Variants in SEC16A observed in about 807,000 individuals in gnomAD.
SEC16A encodes the protein SEC16 homolog A, endoplasmic reticulum export factor.
Under a neutral mutation model 221.9 loss-of-function variants are expected in SEC16A, and 110 were observed. The ratio of observed to expected loss-of-function variants is 0.50; its 90% CI spans 0.42 to 0.58. The LOEUF (loss-of-function observed/expected upper bound fraction) is 0.58. Ranked by LOEUF, SEC16A falls within the 20% of genes least tolerant of loss-of-function variation. The probability of loss-of-function intolerance (pLI) is 0.00; values close to 1 mark genes in which losing one functional copy is unlikely to be tolerated. For synonymous variants in SEC16A, 1,393 were observed against 1,257.7 expected (o/e 1.11, Z -2.28); for missense variants, 3,165 against 3,097.8 (o/e 1.02, Z -0.52).
intron 17 of SEC16A, among the ~76,000 whole-genome samples, 169 bp from the exon 18 acceptor site, chr9:136,457,753 T>C (rs934827129): frequency 6.6e-6 from 1 of 151,040 alleles, no homozygotes; most frequent in Non-Finnish European, 1.5e-5. Flanking sequence ...CCACGCCCGC[T>C]GACCACAGTC....
upstream of SEC16A, chr9:136,483,429 C>G: frequency 1.8e-5 from 12 of 653,774 alleles, no homozygotes; most frequent in South Asian, 1.4e-4. Flanking sequence ...TCCTGTCGTT[C>G]CCGCCCCTTT....
In SEC16A at chr9:136,466,109, C is replaced by A; in HGVS notation, c.4156G>T (p.Ala1386Ser). 6.2e-7 allele frequency: 1 copy of A among 1,604,766 alleles called. No individual in the cohort carries two copies. Among genetic ancestry groups the A allele is most frequent in the Non-Finnish European group, 8.5e-7 (1 of 1,174,486 alleles). Residue 1386 changes from alanine to serine, a missense_variant, in exon 8 of 32, where the codon GCT becomes TCT. Ala to Ser is a moderately conservative substitution (Grantham distance 99). Coordinates refer to ENST00000684901, the MANE Select transcript of SEC16A (RefSeq NM_014866.2). This position sits in a 1 kb window ranked among gnomAD's most constrained non-coding sequence, Gnocchi z 5.5. ...AGCGGGGCCTCGTAGGAACCGGCAG[C>A]CACATTGTGGCTTCTGTAAATCTGA... ...QSQIYRSHNV[A>S]AGSYEAPLPP... is the part of the protein sequence containing the mutation.
chr9:136,450,553 C>T (rs557099861), intron 23 of SEC16A, among the ~76,000 whole-genome samples: 8 of 152,068 alleles, frequency 5.3e-5, no homozygotes, highest in Non-Finnish European at 8.8e-5. Flanking sequence ...AACAGGGACA[C>T]GAGAAGGTGC....
upstream of SEC16A, chr9:136,484,264 C>T (rs1250438899): frequency 3.7e-6 from 3 of 802,982 alleles, no homozygotes; most frequent in Non-Finnish European, 3.1e-6. Context: ...CCCGGGCGCT[C>T]GGGCGGCCAG....
chr9:136,467,659 A>G (rs1421630081), intron 5 of SEC16A, among the ~76,000 whole-genome samples: 1 of 152,248 alleles, frequency 6.6e-6, no homozygotes, highest in Non-Finnish European at 1.5e-5. Flanking sequence ...AACTGGATAT[A>G]CCATTTTCAG....
rs996799758 is a variant in SEC16A, at chr9:136,466,659, T to A, written c.3930-197A>T. ...TGCGTCTCCAGTGTGGTCACTTCTCTGGGCTGCAGGGCGCGACCGGTAAGA... is the reference window on the plus strand; with the variant it reads ...TGCGTCTCCAGTGTGGTCACTTCTCAGGGCTGCAGGGCGCGACCGGTAAGA... On this transcript the variant is annotated intron_variant, in intron 6 of 31. Transcript: ENST00000684901. This position sits in a 1 kb window ranked among gnomAD's most constrained non-coding sequence, Gnocchi z 5.5. Among the ~76,000 whole-genome samples, 1 of 152,182 alleles carries A rather than the reference T, an allele frequency of 6.6e-6. No individual in the cohort carries two copies. The highest frequency in any genetic ancestry group is 1.5e-5 in the Non-Finnish European group (1 of 68,030).
In SEC16A at chr9:136,441,749, G is replaced by A. The variant is rs1242041302; in HGVS notation, c.*6C>T. ...GCTCCAAGTGCAAGTTCACAGCAGG[G>A]CAAGCCTAGTTCAGCACCAGGTGCT... On this transcript the variant is annotated 3_prime_UTR_variant, in exon 32 of 32. Transcript: ENST00000684901. The A allele has an allele frequency of 1.2e-6, 2 of 1,613,104 alleles. No individual in the cohort carries two copies. The highest frequency in any genetic ancestry group is 1.7e-5 in the Admixed American group (1 of 60,016).
chr9:136,479,857 C>A (rs1406038812), intron 1 of SEC16A, among the ~76,000 whole-genome samples: 3 of 151,764 alleles, frequency 2.0e-5, no homozygotes, highest in Non-Finnish European at 2.9e-5. Context: ...AAAAAAAATG[C>A]CGGTCGTGGT....
Position 136,461,194 on chromosome 9 carries a change from G to T in SEC16A, c.4974C>A (p.His1658Gln), listed in dbSNP as rs375805476. ...LLASKMDSRT[H>Q]ARVMTRFANS... ...GACTGTACCTGGTCATGACTCGGGC[G>T]TGTGTCCGGCTGTCCATCTTACTTG... The change falls in exon 13 of 32, where the codon CAC becomes CAA. Residue 1658 changes from histidine to glutamine, a missense_variant. Physicochemically the swap from His to Gln is conservative, Grantham distance 24. Around this residue, in one of 3 missense-constraint regions of SEC16A, gnomAD observed 1,088 missense variants for 1,089.6 expected, o/e 1.00. Coordinates refer to ENST00000684901, the MANE Select transcript of SEC16A (RefSeq NM_014866.2). The T allele has an allele frequency of 9.3e-6, 15 of 1,606,348 alleles. No individual in the cohort carries two copies. The highest frequency in any genetic ancestry group is 1.3e-5 in the Non-Finnish European group (15 of 1,176,588).
At position 136,477,077 on chromosome 9, in the gene SEC16A, G is replaced by C. The variant is rs1564542186; in HGVS notation, c.539C>G (p.Pro180Arg). 1.2e-6 allele frequency: 2 copies of C among 1,613,848 alleles called. No homozygotes were observed. Among genetic ancestry groups the C allele is most frequent in the East Asian group, 2.2e-5 (1 of 44,872 alleles). Residue 180 changes from proline to arginine, a missense_variant, in exon 3 of 32, where the codon CCT becomes CGT. This residue lies in a region of SEC16A where 2,030 missense variants were observed against 1,923.1 expected (regional missense o/e 1.06). Coordinates refer to ENST00000684901, the MANE Select transcript of SEC16A (RefSeq NM_014866.2). ...CCTGCTCAGGGGTCGGTCGAGCCCAGGCATGTTCCCATGAGGGTGGCCCCC... is the reference window on the plus strand; with the variant it reads ...CCTGCTCAGGGGTCGGTCGAGCCCACGCATGTTCCCATGAGGGTGGCCCCC... The part of the protein sequence containing the change: ...SHGGHPHGNM[P>R]GLDRPLSRQN...
At chr9:136,482,889 C>A (rs1225693151) in intron 1 of SEC16A, 49 bp downstream of exon 1, 2 of 818,430 alleles carry the variant, frequency 2.4e-6, no homozygotes, top group Non-Finnish European at 3.0e-6. Flanking sequence ...GGCCGGCCTC[C>A]GCCTTCCTCC....
Position 136,464,453 on chromosome 9 carries a change from T to C in SEC16A, c.4413A>G (p.Gly1471=). 6.2e-7 allele frequency: 1 copy of C among 1,612,194 alleles called. No homozygotes were observed. The highest frequency in any genetic ancestry group is 1.1e-5 in the South Asian group (1 of 91,058). The change falls in exon 9 of 32, where the codon GGA becomes GGG. Residue 1471 remains glycine, a synonymous_variant. Transcript: ENST00000684901. ...IKVIPNLPSE[G]QPALVEVHSM... The stretch of plus-strand genomic sequence containing the variant: ...TGTGGACCTCCACCAAGGCCGGCTG[T>C]CCTTCTGAAGGCAGATTGGGAATCA...
intron 12 of SEC16A, among the ~76,000 whole-genome samples, chr9:136,462,625 G>A (rs944464390): frequency 1.3e-5 from 2 of 152,158 alleles, no homozygotes; most frequent in African/African-American, 4.8e-5. Context: ...TGCTCAACAT[G>A]TGCATTTATC....
At chr9:136,482,523 A>C (rs1842520617) in intron 1 of SEC16A, among the ~76,000 whole-genome samples, 1 of 152,194 alleles carries the variant, frequency 6.6e-6, no homozygotes, top group Non-Finnish European at 1.5e-5. Flanking sequence ...ACAAACAAAC[A>C]ACTCTGCTCT....
At chr9:136,483,797 C>A, upstream of SEC16A, 1 of 985,422 alleles carries the variant, frequency 1.0e-6, no homozygotes, top group African/African-American at 1.7e-5. Context: ...GGGCAGGCGG[C>A]GGCGGCCGCG....
At chr9:136,444,606 A>T (rs1202852852) in intron 30 of SEC16A, among the ~76,000 whole-genome samples, 1 of 152,170 alleles carries the variant, frequency 6.6e-6, no homozygotes, top group Non-Finnish European at 1.5e-5. Flanking sequence ...ACCCCCTTTA[A>T]GGCCATTTAA....
intron 19 of SEC16A, 80 bp from the exon 20 acceptor site, chr9:136,455,873 G>C (rs1353091354): frequency 6.5e-5 from 91 of 1,401,246 alleles, no homozygotes; most frequent in Non-Finnish European, 8.8e-5. Flanking sequence ...CACCGCGCTT[G>C]CTGTGTCCCT....
rs569502099 is a variant in SEC16A, at chr9:136,443,861, C to T, written c.6967G>A (p.Gly2323Arg). The T allele has an allele frequency of 1.4e-5, 23 of 1,611,272 alleles. No homozygotes were observed. Among genetic ancestry groups the T allele is most frequent in the African/African-American group, 8.0e-5 (6 of 74,786 alleles). Reference protein sequence around the residue: ...DLPAAGGPPSGAMPFYNPAQL... With the variant: ...DLPAAGGPPSRAMPFYNPAQL... ...GCAGGGTTGTAGAAGGGCATGGCCC[C>T]GCTGGGAGGGCCCCCTGCAGCAGGG... Residue 2323 changes from glycine to arginine, a missense_variant, in exon 31 of 32, where the codon GGG (glycine) becomes AGG (arginine). By Grantham distance (125) the Gly-to-Arg change is moderately radical. This residue lies in a region of SEC16A where 1,088 missense variants were observed against 1,089.6 expected (regional missense o/e 1.00). Coordinates refer to ENST00000684901, the MANE Select transcript of SEC16A (RefSeq NM_014866.2).
chr9:136,452,126 A>C (rs2132016174), intron 22 of SEC16A, among the ~76,000 whole-genome samples: 1 of 152,266 alleles, frequency 6.6e-6, no homozygotes, highest in African/African-American at 2.4e-5. Flanking sequence ...TGAGATCAAA[A>C]AATTAGAAAA....
Sources: gnomAD v4.1 joint callset for allele counts (sites outside exome capture counted in the v4.1 genomes callset) on GRCh38, gnomAD v4.1.1 for gene constraint, gnomAD v4.1.1 regional missense constraint, Gnocchi (gnomAD v3.1) non-coding constraint, MANE v1.5 for transcripts, NCBI Gene and HGNC (gene_info 2026-07-23, HGNC 2026-07-21) for gene names.